The following GLI2 variants were observed in gnomAD, a reference collection of about 807,000 sequenced individuals.
The protein encoded by GLI2 is GLI family zinc finger 2.
GLI2 carries 22 observed loss-of-function variants against 78.9 expected under a neutral mutation model. That is an observed-to-expected ratio of 0.28 (90% CI 0.20 to 0.40). The LOEUF is 0.40. GLI2 is among the 10% of genes least tolerant of loss of function. The pLI is 1.00. For synonymous variants in GLI2, 974 were observed against 963.7 expected, an observed-to-expected ratio of 1.01 and a Z score of -0.20; for missense variants, 2,097 against 2,213.2, an observed-to-expected ratio of 0.95 and a Z score of 1.05.
chr2:120,744,237 G>C (rs1044777109), intron 1 of GLI2, among the ~76,000 whole-genome samples: 1 of 152,238 alleles, frequency 6.6e-6, no homozygotes, highest in Non-Finnish European at 1.5e-5. Flanking sequence ...TCACTCAGAC[G>C]TTTCTGCAGA....
intron 5 of GLI2, among the ~76,000 whole-genome samples, chr2:120,956,259 G>A (rs201822701): frequency 6.6e-6 from 1 of 152,272 alleles, no homozygotes; most frequent in Admixed American, 6.5e-5. Context: ...GTTGACCTCA[G>A]GGTCTCGGGC....
At chr2:120,827,410 G>A (rs563151596) in intron 2 of GLI2, among the ~76,000 whole-genome samples, 2 of 152,354 alleles carry the variant, frequency 1.3e-5, no homozygotes, top group East Asian at 3.9e-4. Flanking sequence ...AGGATGTGGA[G>A]AAGTTGGCCT....
intron 2 of GLI2, among the ~76,000 whole-genome samples, chr2:120,861,949 C>T (rs1034807301): frequency 2.0e-5 from 3 of 152,144 alleles, no homozygotes; most frequent in African/African-American, 4.8e-5. Context: ...TATTAATGAG[C>T]GAGTGCCTGA....
chr2:120,774,265 C>T (rs1683614631), intron 1 of GLI2, among the ~76,000 whole-genome samples: 1 of 152,114 alleles, frequency 6.6e-6, no homozygotes. Flanking sequence ...AGACTGCATC[C>T]CCTCCCTGCT....
chr2:120,923,876 A>C (rs1294871935), intron 2 of GLI2, among the ~76,000 whole-genome samples: 2 of 152,050 alleles, frequency 1.3e-5, no homozygotes. Flanking sequence ...ACACACACAC[A>C]CCATGGCTTA....
intron 3 of GLI2, among the ~76,000 whole-genome samples, chr2:120,945,957 T>TCACACACACACA (rs3223143): frequency 0.13 from 18,036 of 134,020 alleles, 1,444 homozygotes; most frequent in Admixed American, 0.2. Context: ...CATAACCTTC[T>TCACACACACACA]CACACACACA....
At chr2:120,846,399 G>A (rs143798550) in intron 2 of GLI2, among the ~76,000 whole-genome samples, 7 of 152,332 alleles carry the variant, frequency 4.6e-5, no homozygotes, top group Admixed American at 2.6e-4. Flanking sequence ...CCTGGGAGGT[G>A]CCCAGGTATC....
At chr2:120,960,524 T>C (rs1234962682) in intron 5 of GLI2, among the ~76,000 whole-genome samples, 1 of 152,238 alleles carries the variant, frequency 6.6e-6, no homozygotes, top group African/African-American at 2.4e-5. Flanking sequence ...GTAATATTTT[T>C]TAACAGACTC....
intron 6 of GLI2, among the ~76,000 whole-genome samples, chr2:120,969,802 G>C (rs898983313): frequency 5.9e-5 from 9 of 152,292 alleles, no homozygotes; most frequent in African/African-American, 2.2e-4. Flanking sequence ...CATGGCAGAC[G>C]GGTCCCAGCC....
chr2:120,786,473 C>A (rs183438257), intron 1 of GLI2, among the ~76,000 whole-genome samples: 8 of 152,144 alleles, frequency 5.3e-5, no homozygotes, highest in African/African-American at 1.9e-4. Context: ...TCCAACCCCC[C>A]GCCCAACCTG....
rs774927322 is a variant in GLI2 at position 120,989,724 on chromosome 2, C to T, written c.3759C>T (p.Cys1253=). 3.7e-6 allele frequency: 6 copies of T among 1,612,988 alleles called. No individual in the cohort carries two copies. Among genetic ancestry groups the T allele is most frequent in the Non-Finnish European group, 4.2e-6 (5 of 1,179,942 alleles). ...CCCTCAACCAGTTCCCCCAATCCTG[C>T]AGCAACATGCCAGCCAAGCCAGGGC... ...SGALNQFPQS[C]SNMPAKPGHL... The change falls in exon 14 of 14, where the codon TGC becomes TGT. Residue 1253 remains cysteine, a synonymous_variant. Coordinates refer to ENST00000361492, the MANE Select transcript of GLI2 (RefSeq NM_001374353.1).
chr2:120,968,720 G>C lies in GLI2; in HGVS notation c.650G>C (p.Arg217Pro). 1.2e-6 allele frequency: 2 copies of C among 1,611,258 alleles called. No individual in the cohort carries two copies. The highest frequency in any genetic ancestry group is 1.7e-6 in the Non-Finnish European group (2 of 1,178,648). ...HDYLNPVDVS[R>P]FSSPRVTPRL... is the part of the protein sequence containing the mutation. ...TGTGTTGACTATCCCACAGTGTCCC[G>C]TTTCTCCAGCCCGCGGGTGACGCCC... Residue 217 changes from arginine (R) to proline (P), a missense_variant, in exon 6 of 14, where the codon CGT (arginine) becomes CCT (proline). Around this residue, in one of 5 missense-constraint regions of GLI2, gnomAD observed 578 missense variants for 612.0 expected, o/e 0.94. Coordinates refer to ENST00000361492, the MANE Select transcript of GLI2 (RefSeq NM_001374353.1).
chr2:120,982,593 G>T, intron 10 of GLI2, 123 bp from the exon 11 acceptor site: 3 of 735,848 alleles, frequency 4.1e-6, no homozygotes, highest in Non-Finnish European at 6.9e-6. Context: ...TCCTTAAAAT[G>T]CATGCTTCTG....
At chr2:120,941,991 C>T (rs943773788) in intron 3 of GLI2, among the ~76,000 whole-genome samples, 3 of 152,188 alleles carry the variant, frequency 2.0e-5, no homozygotes, top group African/African-American at 7.2e-5. Context: ...CACAGGAGTT[C>T]CCCTACCCTG....
intron 2 of GLI2, among the ~76,000 whole-genome samples, chr2:120,856,619 A>T (rs1687656456): frequency 6.6e-6 from 1 of 152,116 alleles, no homozygotes; most frequent in African/African-American, 2.4e-5. Context: ...AGCTGCCTAC[A>T]GAACACTCTC....
chr2:120,889,968 C>T (rs938349111), intron 2 of GLI2, among the ~76,000 whole-genome samples: 3 of 152,134 alleles, frequency 2.0e-5, no homozygotes, highest in African/African-American at 7.2e-5. Context: ...GCATTTATTC[C>T]AGAGAAGTGA....
intron 1 of GLI2, among the ~76,000 whole-genome samples, chr2:120,790,553 G>T (rs562749601): frequency 3.3e-5 from 5 of 152,292 alleles, no homozygotes; most frequent in African/African-American, 1.2e-4. Flanking sequence ...GGAGCTTGCG[G>T]TTCCCCTCCC....
At chr2:120,921,711 C>T (rs1679389200) in intron 2 of GLI2, among the ~76,000 whole-genome samples, 3 of 152,174 alleles carry the variant, frequency 2.0e-5, no homozygotes, top group Admixed American at 6.5e-5. Context: ...ACAGCATTTC[C>T]AAAAGTTGTA....
chr2:120,799,570 C>A (rs1684588371), intron 2 of GLI2, among the ~76,000 whole-genome samples: 1 of 152,218 alleles, frequency 6.6e-6, no homozygotes, highest in Non-Finnish European at 1.5e-5. Flanking sequence ...ACATCGTGGG[C>A]CAAGTCTCCT....
Sources: allele counts gnomAD v4.1 joint callset (sites outside exome capture counted in the v4.1 genomes callset), GRCh38; gene constraint gnomAD v4.1.1; regional missense constraint gnomAD v4.1.1; transcripts MANE v1.5; gene names NCBI Gene and HGNC (gene_info 2026-07-23, HGNC 2026-07-21).